Variants in NCEH1 observed in about 807,000 individuals in gnomAD.
NCEH1 encodes the protein neutral cholesterol ester hydrolase 1, also known as 2-acetyl MAGE hydrolase.
Under a neutral mutation model 25.4 loss-of-function variants are expected in NCEH1, and 9 were observed. The ratio of observed to expected loss-of-function variants is 0.35; its 90% confidence interval spans 0.21 to 0.62. The LOEUF is 0.62. NCEH1 is among the 20% of genes least tolerant of loss of function. The probability of loss-of-function intolerance (pLI) is 0.72; values close to 1 mark genes in which losing one functional copy is unlikely to be tolerated. For missense variants in NCEH1, 412 were observed against 501.1 expected, an observed-to-expected ratio of 0.82 and a Z score of 1.70; for synonymous variants, 200 against 199.8, an observed-to-expected ratio of 1.00 and a Z score of -0.01.
At chr3:172,661,316 C>G (rs1717961166) in intron 1 of NCEH1, among the ~76,000 whole-genome samples, 2 of 152,300 alleles carry the variant, frequency 1.3e-5, no homozygotes, top group East Asian at 1.9e-4. Context: ...AGGCTCTGTT[C>G]TGTTCCATTG....
intron 1 of NCEH1, among the ~76,000 whole-genome samples, chr3:172,683,551 C>T (rs1345112220): frequency 1.3e-5 from 2 of 152,058 alleles, no homozygotes; most frequent in African/African-American, 2.4e-5. Context: ...TAGTGGCTCA[C>T]ACCCATAGTC....
At chr3:172,710,669 T>C (rs1465253207) in intron 1 of NCEH1, among the ~76,000 whole-genome samples, 178 bp downstream of exon 1, 1 of 152,208 alleles carries the variant, frequency 6.6e-6, no homozygotes, top group Non-Finnish European at 1.5e-5. Flanking sequence ...AGCCCGCTGC[T>C]AGCAAGGAGG....
chr3:172,669,351 A>T (rs1718377897), intron 1 of NCEH1, among the ~76,000 whole-genome samples: 1 of 152,172 alleles, frequency 6.6e-6, no homozygotes, highest in African/African-American at 2.4e-5. Context: ...TTTTTAGAGT[A>T]ATTGTATTTG....
At chr3:172,644,183 G>GCTTTTGA (rs1717000744) in intron 3 of NCEH1, among the ~76,000 whole-genome samples, 7 of 89,574 alleles carry the variant, frequency 7.8e-5, no homozygotes, top group East Asian at 7.2e-4. Flanking sequence ...AGGGCTTTGG[G>GCTTTTGA]GTGACTCTAG....
intron 3 of NCEH1, among the ~76,000 whole-genome samples, chr3:172,644,285 G>C (rs1717012817): frequency 7.1e-6 from 1 of 141,822 alleles, no homozygotes; most frequent in African/African-American, 2.5e-5. Context: ...CTGTCAACAG[G>C]GTCAGAACTG....
rs1289626335 is a variant in NCEH1 at position 172,632,356 on chromosome 3, T to C, written c.*1119A>G. ...TAAGGCAGTTTTTTAAAAAATACCA[T>C]TGTTTTTAATATTTATTATGGACAT... On this transcript the variant is annotated 3_prime_UTR_variant, in exon 5 of 5. Transcript: ENST00000475381. The C allele has an allele frequency of 1.3e-5, 2 of 152,342 alleles. No individual in the cohort carries two copies. Among genetic ancestry groups the C allele is most frequent in the South Asian group, 4.1e-4 (2 of 4,828 alleles). 9.4% of individuals were successfully genotyped at this position (152,342 alleles called of 1,614,324 possible).
In NCEH1 at chr3:172,633,465, T is replaced by A; in HGVS notation, c.*10A>T. 6.2e-7 allele frequency: 1 copy of A among 1,606,718 alleles called. No individual in the cohort carries two copies. The highest frequency in any genetic ancestry group is 1.1e-5 in the South Asian group (1 of 90,274). On this transcript the variant is annotated 3_prime_UTR_variant, in exon 5 of 5. Transcript: ENST00000475381. ...AAGAGGGGCTCGAGGCTTCTGGAAGTTTTGCTCCTTTACAGGTTTTGATCT... is the reference window on the plus strand; with the variant it reads ...AAGAGGGGCTCGAGGCTTCTGGAAGATTTGCTCCTTTACAGGTTTTGATCT...
rs113928773 is a variant in NCEH1 at position 172,645,061 on chromosome 3, G to A, written c.437+562C>T. ...AAAAAGATGGCGTGATTTTTGTGTT[G>A]TATTATTATTATCATCAAAATTATT... On this transcript the variant is annotated intron_variant, in intron 3 of 4. Coordinates refer to ENST00000475381, the MANE Select transcript of NCEH1 (RefSeq NM_020792.6). Among the ~76,000 whole-genome samples, 1,027 of 152,182 alleles carry A rather than the reference G, an allele frequency of 6.7e-3. 10 individuals carry two copies. The highest frequency in any genetic ancestry group is 0.023 in the African/African-American group (959 of 41,522).
intron 1 of NCEH1, among the ~76,000 whole-genome samples, chr3:172,706,860 C>T (rs1339675387): frequency 3.9e-5 from 6 of 152,052 alleles, no homozygotes; most frequent in African/African-American, 1.4e-4. Flanking sequence ...TTTTACTTCA[C>T]GTTTATTATA....
At chr3:172,634,739 C>G (rs1443296840) in intron 4 of NCEH1, among the ~76,000 whole-genome samples, 1 of 152,150 alleles carries the variant, frequency 6.6e-6, no homozygotes, top group African/African-American at 2.4e-5. Context: ...AACATTGCCC[C>G]ATTTTGTAAT....
rs1470673195 is a variant in NCEH1 at position 172,632,093 on chromosome 3, G to A, written c.*1382C>T. 2 of 152,576 alleles carry A rather than the reference G, an allele frequency of 1.3e-5. No individual in the cohort carries two copies. The highest frequency in any genetic ancestry group is 2.4e-5 in the African/African-American group (1 of 41,462). The allele number at this position is 152,576 out of a possible 1,614,324, so 9.5% of individuals were successfully genotyped here. A position where few individuals can be genotyped will look rare whatever the true frequency, so the allele number is the denominator to read the frequency against. ...AGTGTACGCCCTTCACTCAGAACAT[G>A]AGCTTGTGTTCCTCTGACCCTAAAA... is the stretch of plus-strand genomic sequence containing the variant. On this transcript the variant is annotated 3_prime_UTR_variant, in exon 5 of 5. Coordinates refer to ENST00000475381, the MANE Select transcript of NCEH1 (RefSeq NM_020792.6).
chr3:172,671,606 CA>C (rs1711629734), intron 1 of NCEH1, among the ~76,000 whole-genome samples: 1 of 151,858 alleles, frequency 6.6e-6, no homozygotes, highest in Admixed American at 6.6e-5. Flanking sequence ...TATATTTACA[CA>C]TGCACATATC....
In NCEH1 at chr3:172,701,449, C is replaced by CTTTTTTTTTTTTTTTTTTTTTTT. The variant is rs10701435; in HGVS notation, c.138+9397_138+9398insAAAAAAAAAAAAAAAAAAAAAAA. On this transcript the variant is annotated intron_variant, in intron 1 of 4. Transcript: ENST00000475381. ...TAGTGCTTCCTAGATGGTCTTTTGC[C>CTTTTTTTTTTTTTTTTTTTTTTT]TTTTTTTTTTTTTTTTTAAAGACGG... Among the ~76,000 whole-genome samples the CTTTTTTTTTTTTTTTTTTTTTTT allele has an allele frequency of 7.2e-5, 8 of 110,940 alleles. 2 individuals carry two copies. The highest frequency in any genetic ancestry group is 3.3e-4 in the African/African-American group (8 of 24,210). 72.8% of individuals were successfully genotyped at this position (110,940 alleles called of 152,430 possible).
intron 1 of NCEH1, among the ~76,000 whole-genome samples, chr3:172,652,463 G>C (rs905273768): frequency 6.6e-6 from 1 of 152,198 alleles, no homozygotes; most frequent in African/African-American, 2.4e-5. Flanking sequence ...GTGGGCTGAG[G>C]ATGAGTGATA....
chr3:172,687,303 T>C (rs975774383), intron 1 of NCEH1, among the ~76,000 whole-genome samples: 10 of 152,302 alleles, frequency 6.6e-5, no homozygotes, highest in African/African-American at 2.4e-4. Flanking sequence ...TTTCACCCCT[T>C]GGAGTTCACA....
chr3:172,638,001 C>G lies in NCEH1; in HGVS notation c.438-1914G>C, dbSNP rs777212750. Among the ~76,000 whole-genome samples, 3 of 151,984 alleles carry G rather than the reference C, an allele frequency of 2.0e-5. No homozygotes were observed. In the East Asian group the frequency reaches 5.8e-4, roughly 29 times the overall value. ...AGTGGAAGTTGCAGTGAGCTGAGATCGAAAGAACAAGACCTGGGCGAAAGA... is the reference window on the plus strand; with the variant it reads ...AGTGGAAGTTGCAGTGAGCTGAGATGGAAAGAACAAGACCTGGGCGAAAGA... On this transcript the variant is annotated intron_variant, in intron 3 of 4. Coordinates refer to ENST00000475381, the MANE Select transcript of NCEH1 (RefSeq NM_020792.6).
rs138201090 is a variant in NCEH1 at position 172,710,986 on chromosome 3, T to G, written c.-2A>C. The G allele has an allele frequency of 6.2e-7, 1 of 1,614,046 alleles. No individual in the cohort carries two copies. ...GAGCAGGACACAGGACGACCTCATCTTGCCCTGGCTCGGCTCGCCAGCGGG... is the reference window on the plus strand; with the variant it reads ...GAGCAGGACACAGGACGACCTCATCGTGCCCTGGCTCGGCTCGCCAGCGGG... On this transcript the variant is annotated 5_prime_UTR_variant, in exon 1 of 5. Transcript: ENST00000475381.
intron 1 of NCEH1, among the ~76,000 whole-genome samples, chr3:172,709,900 T>C (rs1217487200): frequency 6.6e-6 from 1 of 152,174 alleles, no homozygotes; most frequent in African/African-American, 2.4e-5. Context: ...GGTTAGAGTT[T>C]AGATAGAGCA....
rs1711624665 is a variant in NCEH1, at chr3:172,671,544, T to C, written c.139-23430A>G. Among the ~76,000 whole-genome samples, 5 of 151,028 alleles carry C rather than the reference T, an allele frequency of 3.3e-5. No individual in the cohort carries two copies. In the Middle Eastern group the frequency reaches 0.01, roughly 310 times the overall value. Reference sequence around the variant, plus strand: ...ACACACACACATATATAGATATATATACAAATATATATATATGCTACCTAT... The same window carrying C: ...ACACACACACATATATAGATATATACACAAATATATATATATGCTACCTAT... On this transcript the variant is annotated intron_variant, in intron 1 of 4. Transcript: ENST00000475381.
Sources: allele counts gnomAD v4.1 joint callset (sites outside exome capture counted in the v4.1 genomes callset), GRCh38; gene constraint gnomAD v4.1.1; transcripts MANE v1.5; gene names NCBI Gene and HGNC (gene_info 2026-07-23, HGNC 2026-07-21).